The following DUSP11 variants were observed in gnomAD, a reference collection of about 807,000 sequenced individuals.
DUSP11 encodes the protein RNA/RNP complex-1-interacting phosphatase.
Under a neutral mutation model 41.4 loss-of-function variants are expected in DUSP11, and 27 were observed. The ratio of observed to expected loss-of-function variants is 0.65; its 90% CI spans 0.48 to 0.90. The LOEUF (loss-of-function observed/expected upper bound fraction) is 0.90, where lower values mean the gene tolerates loss of function less well. Ranked by LOEUF, DUSP11 falls within the 40% of genes least tolerant of loss-of-function variation. DUSP11 has a pLI of 0.00. For synonymous variants in DUSP11, 188 were observed against 159.3 expected (o/e 1.18, Z -1.35); for missense variants, 465 against 461.1 (o/e 1.01, Z -0.08).
Position 73,775,064 on chromosome 2 carries a change from A to G in DUSP11, c.319-20T>C, listed in dbSNP as rs770080798. On this transcript the variant is annotated intron_variant, in intron 2 of 8. Transcript: ENST00000272444. The stretch of plus-strand genomic sequence containing the variant: ...AAAACTCTGTCACAGAGAATGAAAT[A>G]AGAGCAAATATGTGCTTAAAATCCT... The G allele has an allele frequency of 6.2e-7, 1 of 1,603,432 alleles. No individual in the cohort carries two copies. Among genetic ancestry groups the G allele is most frequent in the Admixed American group, 1.7e-5 (1 of 57,736 alleles).
intron 8 of DUSP11, among the ~76,000 whole-genome samples, chr2:73,765,181 T>C (rs1558532005): frequency 6.6e-6 from 1 of 152,080 alleles, no homozygotes; most frequent in African/African-American, 2.4e-5. Flanking sequence ...TCAGTTTGCG[T>C]AGGTACCATC....
intron 5 of DUSP11, 97 bp from the exon 6 acceptor site, chr2:73,767,304 A>G (rs900864052): frequency 5.6e-6 from 5 of 886,282 alleles, no homozygotes; most frequent in Non-Finnish European, 7.3e-6. Context: ...ACATAGATAT[A>G]AAAATCCTAA....
chr2:73,778,642 C>T (rs970956582), intron 1 of DUSP11, among the ~76,000 whole-genome samples: 5 of 152,290 alleles, frequency 3.3e-5, no homozygotes, highest in African/African-American at 1.2e-4. Flanking sequence ...ATACCCAGAA[C>T]TTCTGTATCC....
intron 1 of DUSP11, chr2:73,779,532 A>G (rs1177536411): frequency 4.1e-5 from 13 of 316,698 alleles, no homozygotes. Flanking sequence ...AAACCATTAC[A>G]CTTTCCGTGC....
intron 1 of DUSP11, among the ~76,000 whole-genome samples, chr2:73,779,048 G>A (rs1263806512): frequency 6.6e-6 from 1 of 152,048 alleles, no homozygotes; most frequent in African/African-American, 2.4e-5. Context: ...CAACTTGGGC[G>A]GCTGAGGGAG....
intron 4 of DUSP11, among the ~76,000 whole-genome samples, chr2:73,773,091 G>A (rs1329858145): frequency 6.6e-6 from 1 of 152,056 alleles, no homozygotes; most frequent in African/African-American, 2.4e-5. Flanking sequence ...CCAGAAAAAG[G>A]CAACTGGATC....
At chr2:73,774,134 T>C (rs958522656) in intron 3 of DUSP11, among the ~76,000 whole-genome samples, 8 of 152,228 alleles carry the variant, frequency 5.3e-5, no homozygotes, top group African/African-American at 1.4e-4. Context: ...ACATAATAGA[T>C]AGTCACTAGG....
intron 2 of DUSP11, among the ~76,000 whole-genome samples, chr2:73,777,841 T>A (rs1378735071): frequency 6.6e-6 from 1 of 152,196 alleles, no homozygotes; most frequent in East Asian, 1.9e-4. Flanking sequence ...ACAATACTAA[T>A]ATATATTGAA....
exon 5 of DUSP11, chr2:73,769,283 G>C: frequency 6.2e-7 from 1 of 1,613,736 alleles, no homozygotes; most frequent in Non-Finnish European, 8.5e-7. Context: ...GAGGTAGCCA[G>C]TCCTGTTTAA....
At chr2:73,778,333 G>C (rs757832879) in exon 2 of DUSP11, 2 of 1,557,468 alleles carry the variant, frequency 1.3e-6, no homozygotes, top group Non-Finnish European at 8.6e-7. Context: ...GCAATGAAAC[G>C]AGTCCCAGGC....
At chr2:73,767,133 G>C in intron 6 of DUSP11, 28 bp downstream of exon 6, 1 of 1,588,282 alleles carries the variant, frequency 6.3e-7, no homozygotes, top group Non-Finnish European at 8.6e-7. Context: ...TAATAAAAGG[G>C]AAAAATAGTG....
chr2:73,763,460 G>A (rs1190346045), intron 8 of DUSP11, among the ~76,000 whole-genome samples: 3 of 152,256 alleles, frequency 2.0e-5, no homozygotes, highest in African/African-American at 4.8e-5. Flanking sequence ...GTGGTGGCTC[G>A]CACTTGTAAT....
intron 5 of DUSP11, chr2:73,768,492 A>G (rs1321320157): frequency 1.0e-6 from 1 of 985,326 alleles, no homozygotes; most frequent in East Asian, 1.1e-4. Flanking sequence ...ATAACGACAC[A>G]TACTATTTGA....
chr2:73,773,663 T>C, intron 4 of DUSP11, 137 bp downstream of exon 4: 3 of 866,910 alleles, frequency 3.5e-6, no homozygotes, highest in Non-Finnish European at 5.3e-6. Flanking sequence ...TCTTACCCTA[T>C]TAGCACCATC....
intron 1 of DUSP11, 124 bp downstream of exon 1, chr2:73,779,750 A>G: frequency 6.8e-7 from 1 of 1,467,930 alleles, no homozygotes; most frequent in Non-Finnish European, 9.2e-7. Context: ...CAAAGCCTCA[A>G]AGCAAGCGGC....
intron 3 of DUSP11, 145 bp downstream of exon 3, chr2:73,774,768 A>G (rs1197292709): frequency 3.6e-6 from 2 of 549,804 alleles, no homozygotes; most frequent in Non-Finnish European, 6.0e-6. Flanking sequence ...ACATGTAATT[A>G]GAGAAATCAC....
chr2:73,763,474 A>T (rs1254809573), intron 8 of DUSP11, among the ~76,000 whole-genome samples: 1 of 152,252 alleles, frequency 6.6e-6, no homozygotes, highest in Non-Finnish European at 1.5e-5. Context: ...TTGTAATCCC[A>T]GCACTTTGGG....
exon 1 of DUSP11, chr2:73,779,973 A>G: frequency 6.2e-7 from 1 of 1,614,242 alleles, no homozygotes. Context: ...CCACTGGCTC[A>G]TGTGGGTCCC....
rs538667828 is a variant in DUSP11, at chr2:73,775,645, G to T, written c.319-601C>A. Among the ~76,000 whole-genome samples, 6 of 150,794 alleles carry T rather than the reference G, an allele frequency of 4.0e-5. No individual in the cohort carries two copies. In the South Asian group the frequency reaches 1.3e-3, roughly 32 times the overall value. ...CCAAGGCGGGAGGATCACAAGGTCA[G>T]GAGATCGAGACCATCCTGGCTAACA... On this transcript the variant is annotated intron_variant, in intron 2 of 8. Transcript: ENST00000272444.
Sources: allele counts gnomAD v4.1 joint callset (sites outside exome capture counted in the v4.1 genomes callset), GRCh38; gene constraint gnomAD v4.1.1; transcripts MANE v1.5; gene names NCBI Gene and HGNC (gene_info 2026-07-23, HGNC 2026-07-21).